The following NOS1 variants were observed in gnomAD, a reference collection of about 807,000 sequenced individuals.
The protein encoded by NOS1 is nitric oxide synthase 1.
In NOS1, 51 loss-of-function variants were observed where a neutral mutation model predicts 164.5. That is an observed-to-expected ratio of 0.31 (90% CI 0.25 to 0.39). The LOEUF (loss-of-function observed/expected upper bound fraction) is 0.39, where lower values mean the gene tolerates loss of function less well. NOS1 is among the 10% of genes least tolerant of loss of function. The pLI is 1.00. For missense variants in NOS1, 1,362 were observed against 1,885.6 expected, an observed-to-expected ratio of 0.72 and a Z score of 5.14; for synonymous variants, 719 against 745.8, an observed-to-expected ratio of 0.96 and a Z score of 0.59.
At chr12:117,348,719 A>T (rs1876476434) in intron 1 of NOS1, among the ~76,000 whole-genome samples, 1 of 152,194 alleles carries the variant, frequency 6.6e-6, no homozygotes, top group African/African-American at 2.4e-5. Flanking sequence ...AATCATGAAA[A>T]CACATGGAAC....
At chr12:117,239,986 T>C (rs1467599516) in intron 20 of NOS1, among the ~76,000 whole-genome samples, 1 of 152,124 alleles carries the variant, frequency 6.6e-6, no homozygotes. Context: ...GGGGCTGATT[T>C]TGGGACTTTT....
intron 1 of NOS1, among the ~76,000 whole-genome samples, chr12:117,355,552 AC>A (rs1446590513): frequency 2.0e-5 from 3 of 152,102 alleles, no homozygotes; most frequent in Admixed American, 6.5e-5. Flanking sequence ...ACAAAACCCA[AC>A]AAAACAATGC....
chr12:117,286,101 T>C lies in NOS1; in HGVS notation c.1290+3A>G. On this transcript the variant is annotated splice_donor_region_variant and intron_variant, in intron 6 of 28. Transcript: ENST00000317775. ...CTTCAAGGTATCTGACTTCACCACCTACCTGCAGCTTGGACCACTGGATCC... is the reference window on the plus strand; with the variant it reads ...CTTCAAGGTATCTGACTTCACCACCCACCTGCAGCTTGGACCACTGGATCC... 6.2e-7 allele frequency: 1 copy of C among 1,614,142 alleles called. No individual in the cohort carries two copies. The highest frequency in any genetic ancestry group is 8.5e-7 in the Non-Finnish European group (1 of 1,180,006).
intron 1 of NOS1, among the ~76,000 whole-genome samples, chr12:117,333,497 C>A (rs1233997363): frequency 1.3e-5 from 2 of 152,186 alleles, no homozygotes; most frequent in African/African-American, 4.8e-5. Context: ...AGACCCCTCC[C>A]AGAGGGAGGT....
At chr12:117,352,378 T>C (rs770180716) in intron 1 of NOS1, among the ~76,000 whole-genome samples, 3 of 152,112 alleles carry the variant, frequency 2.0e-5, no homozygotes, top group Non-Finnish European at 4.4e-5. Flanking sequence ...GCCTGGGCTA[T>C]ACCGCCAGCC....
In NOS1 at chr12:117,208,166, A is replaced by AC; in HGVS notation, c.*7142dup. 1.2e-6 allele frequency: 1 copy of AC among 827,472 alleles called. No individual in the cohort carries two copies. The highest frequency in any genetic ancestry group is 1.7e-5 in the South Asian group (1 of 57,396). 51.3% of individuals were successfully genotyped at this position (827,472 alleles called of 1,614,324 possible). A position where few individuals can be genotyped will look rare whatever the true frequency, so the allele number is the denominator to read the frequency against. On this transcript the variant is annotated 3_prime_UTR_variant, in exon 29 of 29. Coordinates refer to ENST00000317775, the MANE Select transcript of NOS1 (RefSeq NM_000620.5). ...GTTGAATCCACTTTTTAATATTGTAACCATAATGCAAACAAGCATAATAGG... is the reference window on the plus strand; with the variant it reads ...GTTGAATCCACTTTTTAATATTGTAACCCATAATGCAAACAAGCATAATAGG...
chr12:117,223,354 C>T (rs946463473), intron 25 of NOS1, among the ~76,000 whole-genome samples: 29 of 151,600 alleles, frequency 1.9e-4, no homozygotes, highest in African/African-American at 6.3e-4. Flanking sequence ...CTCCACCTCC[C>T]GGGTTCAATC....
chr12:117,248,323 T>C (rs1185854354), intron 17 of NOS1, among the ~76,000 whole-genome samples: 2 of 151,768 alleles, frequency 1.3e-5, no homozygotes, highest in Admixed American at 1.3e-4. Flanking sequence ...ATTAGGTATA[T>C]CTCCCAATGC....
intron 3 of NOS1, among the ~76,000 whole-genome samples, chr12:117,295,648 C>T (rs12811988): frequency 0.13 from 18,153 of 137,288 alleles, 1,415 homozygotes; most frequent in East Asian, 0.28. Context: ...GACAGAGTCT[C>T]ACTCTGTCGC....
chr12:117,280,320 G>GT (rs1202796287), intron 8 of NOS1, among the ~76,000 whole-genome samples: 1 of 152,188 alleles, frequency 6.6e-6, no homozygotes, highest in Non-Finnish European at 1.5e-5. Flanking sequence ...ACATTATCTC[G>GT]TAACTCAGAA....
intron 17 of NOS1, among the ~76,000 whole-genome samples, chr12:117,249,923 A>G (rs1164180116): frequency 6.6e-6 from 1 of 152,146 alleles, no homozygotes; most frequent in Non-Finnish European, 1.5e-5. Context: ...TGGGACAAAT[A>G]CACCCCACCT....
intron 1 of NOS1, among the ~76,000 whole-genome samples, chr12:117,354,044 G>A (rs1876752560): frequency 6.6e-6 from 1 of 152,120 alleles, no homozygotes; most frequent in Admixed American, 6.5e-5. Flanking sequence ...AAAAATATGT[G>A]GCTCTCAATG....
intron 1 of NOS1, among the ~76,000 whole-genome samples, chr12:117,352,548 G>A (rs1876673670): frequency 6.6e-6 from 1 of 152,140 alleles, no homozygotes; most frequent in Non-Finnish European, 1.5e-5. Flanking sequence ...AAGAGGGCTC[G>A]ATTGGGATGC....
At position 117,356,190 on chromosome 12, in the gene NOS1, T is replaced by C. The variant is rs994953857; in HGVS notation, c.-421+5322A>G. Among the ~76,000 whole-genome samples the C allele has an allele frequency of 3.9e-5, 6 of 152,252 alleles. No homozygotes were observed. Among genetic ancestry groups the C allele is most frequent in the African/African-American group, 7.2e-5 (3 of 41,458 alleles). On this transcript the variant is annotated intron_variant, in intron 1 of 28. Coordinates refer to ENST00000317775, the MANE Select transcript of NOS1 (RefSeq NM_000620.5). The surrounding 1 kb of genome is among the most constrained non-coding windows in gnomAD (Gnocchi z 4.2). Reference sequence around the variant, plus strand: ...TGTAGTACTTATAATCTCTGCTGTATGAATGACATGCTGGAGAGTCAGAGA... The same window carrying C: ...TGTAGTACTTATAATCTCTGCTGTACGAATGACATGCTGGAGAGTCAGAGA...
At chr12:117,293,634 TTATTACTTG>T (rs1873205588) in intron 3 of NOS1, among the ~76,000 whole-genome samples, 1 of 151,908 alleles carries the variant, frequency 6.6e-6, no homozygotes, top group Non-Finnish European at 1.5e-5. Context: ...TCTGCAAGTA[TTATTACTTG>T]TATTACTTGT....
chr12:117,218,497 C>T (rs902089434), intron 27 of NOS1, among the ~76,000 whole-genome samples: 2 of 152,052 alleles, frequency 1.3e-5, no homozygotes, highest in African/African-American at 2.4e-5. Context: ...TTCCCTCTTT[C>T]CTCCCTCCAA....
chr12:117,213,161 C>G lies in NOS1; in HGVS notation c.*2148G>C. The G allele has an allele frequency of 1.0e-6, 1 of 985,450 alleles. No individual in the cohort carries two copies. The highest frequency in any genetic ancestry group is 1.2e-6 in the Non-Finnish European group (1 of 829,954). The allele number at this position is 985,450 out of a possible 1,614,324, so 61.0% of individuals were successfully genotyped here. ...GATGGAAAAGCATTCCTGCATAAAGCTTGACTTGGAGTGGGAAGCACTGAT... is the reference window on the plus strand; with the variant it reads ...GATGGAAAAGCATTCCTGCATAAAGGTTGACTTGGAGTGGGAAGCACTGAT... On this transcript the variant is annotated 3_prime_UTR_variant, in exon 29 of 29. Transcript: ENST00000317775.
chr12:117,302,118 G>A (rs556069114), intron 3 of NOS1: 1 of 456,656 alleles, frequency 2.2e-6, no homozygotes, highest in East Asian at 6.9e-5. Context: ...TGAGCTGGGG[G>A]TTCAATGAAG....
intron 3 of NOS1, among the ~76,000 whole-genome samples, chr12:117,297,081 G>GAGTTCCTT (rs756271477): frequency 1.1e-4 from 17 of 152,234 alleles, no homozygotes; most frequent in Non-Finnish European, 2.2e-4. Flanking sequence ...CAACACTGTA[G>GAGTTCCTT]AGTTCCTTAA....
Sources: gnomAD v4.1 joint callset for allele counts (sites outside exome capture counted in the v4.1 genomes callset) on GRCh38, gnomAD v4.1.1 for gene constraint, Gnocchi (gnomAD v3.1) non-coding constraint, MANE v1.5 for transcripts, NCBI Gene and HGNC (gene_info 2026-07-23, HGNC 2026-07-21) for gene names.